RHBDD1: variants seen among roughly 807,000 people sequenced by gnomAD.
The protein encoded by RHBDD1 is rhomboid domain containing 1.
In RHBDD1, 38 loss-of-function variants were observed where a neutral mutation model predicts 36.3. The ratio of observed to expected loss-of-function variants is 1.05; its 90% CI spans 0.81 to 1.37. The LOEUF (loss-of-function observed/expected upper bound fraction) is 1.37, where lower values mean the gene tolerates loss of function less well. Among genes scored for constraint, RHBDD1 ranks in the 40% most tolerant of loss-of-function variants. RHBDD1 has a pLI of 0.00. For missense variants in RHBDD1, 393 were observed against 377.6 expected, an observed-to-expected ratio of 1.04 and a Z score of -0.34; for synonymous variants, 151 against 136.5, an observed-to-expected ratio of 1.11 and a Z score of -0.74.
intron 3 of RHBDD1, among the ~76,000 whole-genome samples, chr2:226,852,226 G>C (rs1942880167): frequency 6.6e-6 from 1 of 152,144 alleles, no homozygotes; most frequent in Non-Finnish European, 1.5e-5. Flanking sequence ...TAGAATAGAT[G>C]ATAGTATCAT....
chr2:226,932,320 G>A (rs1950074947), intron 8 of RHBDD1, among the ~76,000 whole-genome samples: 1 of 152,086 alleles, frequency 6.6e-6, no homozygotes, highest in Admixed American at 6.6e-5. Context: ...CTATTTAAAT[G>A]TTATTTAGAT....
chr2:226,805,937 G>A, the RHBDD1 span, among the ~76,000 whole-genome samples: 2 of 152,030 alleles, frequency 1.3e-5, no homozygotes, highest in Non-Finnish European at 2.9e-5. Flanking sequence ...CAGTAATGAT[G>A]GATATTCCGT....
At chr2:226,948,254 C>A (rs1317822470) in intron 8 of RHBDD1, among the ~76,000 whole-genome samples, 1 of 147,730 alleles carries the variant, frequency 6.8e-6, no homozygotes, top group Non-Finnish European at 1.5e-5. Flanking sequence ...ATGATGAGTT[C>A]ATGTCCTTTG....
At chr2:226,864,466 T>A (rs1944148492) in intron 3 of RHBDD1, 138 bp from the exon 4 acceptor site, 3 of 537,866 alleles carry the variant, frequency 5.6e-6, no homozygotes, top group Non-Finnish European at 9.8e-6. Flanking sequence ...GATATTACTC[T>A]TGAAGATGTC....
intron 5 of RHBDD1, among the ~76,000 whole-genome samples, chr2:226,886,366 C>G (rs1326155958): frequency 6.6e-6 from 1 of 152,124 alleles, no homozygotes; most frequent in Non-Finnish European, 1.5e-5. Flanking sequence ...ACCCAAGTCC[C>G]TAAGTTTGGA....
intron 4 of RHBDD1, among the ~76,000 whole-genome samples, chr2:226,866,625 C>T (rs1026514761): frequency 6.6e-6 from 1 of 152,126 alleles, no homozygotes; most frequent in Non-Finnish European, 1.5e-5. Flanking sequence ...AAATTGCCAG[C>T]AGGATTTAAA....
intron 8 of RHBDD1, among the ~76,000 whole-genome samples, chr2:226,992,053 C>T (rs1179982350): frequency 6.6e-6 from 1 of 152,172 alleles, no homozygotes; most frequent in Non-Finnish European, 1.5e-5. Flanking sequence ...ATATCAGAAA[C>T]ACAAAGATAA....
At chr2:226,975,986 G>A (rs140859387) in intron 8 of RHBDD1, among the ~76,000 whole-genome samples, 2 of 152,078 alleles carry the variant, frequency 1.3e-5, no homozygotes, top group Non-Finnish European at 2.9e-5. Flanking sequence ...CATGGTTCCA[G>A]TTGAAAATAG....
intron 8 of RHBDD1, among the ~76,000 whole-genome samples, chr2:226,932,271 GA>G (rs1950073135): frequency 6.6e-6 from 1 of 152,114 alleles, no homozygotes; most frequent in African/African-American, 2.4e-5. Flanking sequence ...ACGTGCACCT[GA>G]AAAGAATGTG....
In RHBDD1 at chr2:226,941,879, T is replaced by A. The variant is rs775571256; in HGVS notation, c.856+27528T>A. ...GAGTATTAGGTGGTAATGACTATGC[T>A]GAGAAGATTCACTTACCCACGCAGA... On this transcript the variant is annotated intron_variant, in intron 8 of 8. Coordinates refer to ENST00000392062, the MANE Select transcript of RHBDD1 (RefSeq NM_001167608.3). 3.9e-4 allele frequency among the ~76,000 whole-genome samples: 59 copies of A among 152,194 alleles called. 1 individual carries two copies. Among genetic ancestry groups the A allele is most frequent in the Admixed American group, 1.6e-3 (25 of 15,276 alleles).
At chr2:226,966,571 A>G (rs1405252808) in intron 8 of RHBDD1, among the ~76,000 whole-genome samples, 1 of 152,260 alleles carries the variant, frequency 6.6e-6, no homozygotes, top group African/African-American at 2.4e-5. Flanking sequence ...TCAGCTATGC[A>G]TAATTTTAAT....
chr2:226,946,382 C>G (rs1950994537), intron 8 of RHBDD1, among the ~76,000 whole-genome samples: 2 of 152,116 alleles, frequency 1.3e-5, no homozygotes, highest in African/African-American at 2.4e-5. Flanking sequence ...TCTGAGGCCT[C>G]TGTTCTGTTC....
chr2:226,867,747 C>T, intron 5 of RHBDD1: 1 of 806,626 alleles, frequency 1.2e-6, no homozygotes. Context: ...GAGATGGAGT[C>T]TCGCTCTGTT....
chr2:226,994,549 T>C (rs926241720), intron 8 of RHBDD1, among the ~76,000 whole-genome samples: 2 of 152,168 alleles, frequency 1.3e-5, no homozygotes, highest in Non-Finnish European at 1.5e-5. Context: ...AGCAGAGCTA[T>C]AGTAGTGAAA....
intron 8 of RHBDD1, among the ~76,000 whole-genome samples, chr2:226,931,278 T>C (rs769205171): frequency 6.6e-6 from 1 of 151,990 alleles, no homozygotes; most frequent in Admixed American, 6.6e-5. Flanking sequence ...AAATGTGATA[T>C]ATATACACCA....
At chr2:226,880,629 C>A (rs192153112) in intron 5 of RHBDD1, among the ~76,000 whole-genome samples, 3 of 152,298 alleles carry the variant, frequency 2.0e-5, no homozygotes, top group Admixed American at 1.3e-4. Flanking sequence ...CCAGCCCTGT[C>A]CTGAACAGCT....
At chr2:226,809,701 A>T in the RHBDD1 span, among the ~76,000 whole-genome samples, 20 of 152,218 alleles carry the variant, frequency 1.3e-4, 2 homozygotes, top group Admixed American at 9.2e-4. Flanking sequence ...TAAACCAAAT[A>T]TTTTAAAATA....
intron 5 of RHBDD1, among the ~76,000 whole-genome samples, chr2:226,902,172 G>A (rs1947651026): frequency 6.6e-6 from 1 of 152,218 alleles, no homozygotes; most frequent in African/African-American, 2.4e-5. Context: ...TCCACGTGGA[G>A]CTAAGAACAG....
At chr2:226,944,181 G>C (rs1470234783) in intron 8 of RHBDD1, among the ~76,000 whole-genome samples, 1 of 152,092 alleles carries the variant, frequency 6.6e-6, no homozygotes, top group African/African-American at 2.4e-5. Flanking sequence ...AGGATGTTTT[G>C]GCCCAAGCAA....
Sources: allele counts gnomAD v4.1 joint callset (sites outside exome capture counted in the v4.1 genomes callset), GRCh38; gene constraint gnomAD v4.1.1; transcripts MANE v1.5; gene names NCBI Gene and HGNC (gene_info 2026-07-23, HGNC 2026-07-21).